The following METTL14 variants were observed in gnomAD, a reference collection of about 807,000 sequenced individuals.
METTL14 encodes the protein N(6)-adenosine-methyltransferase non-catalytic subunit METTL14.
A neutral mutation model predicts 62.4 loss-of-function variants in METTL14; 32 were observed. That is an observed-to-expected ratio of 0.51 (90% CI 0.39 to 0.69). METTL14 has a LOEUF of 0.69. METTL14 is among the 30% of genes least tolerant of loss of function. The probability of loss-of-function intolerance (pLI) is 0.00; values close to 1 mark genes in which losing one functional copy is unlikely to be tolerated. For missense variants in METTL14, 340 were observed against 551.9 expected (o/e 0.62, Z 3.85); for synonymous variants, 150 against 180.0 (o/e 0.83, Z 1.34).
In METTL14 at chr4:118,704,071, GT is replaced by G. The variant is rs755323508; in HGVS notation, c.855+28del. 146 of 1,427,136 alleles carry G rather than the reference GT, an allele frequency of 1.0e-4. 1 individual carries two copies. The South Asian group carries it at 1.5e-3, about 15-fold the overall frequency. The allele number at this position is 1,427,136 out of a possible 1,614,324, so 88.4% of individuals were successfully genotyped here. A position where few individuals can be genotyped will look rare whatever the true frequency, so the allele number is the denominator to read the frequency against. ...ACAAAGGTATTGCCTTTACTGATTTGTTTTTTTTAATTTTTGTGATTTTCTC... is the reference window on the plus strand; with the variant it reads ...ACAAAGGTATTGCCTTTACTGATTTGTTTTTTTAATTTTTGTGATTTTCTC... On this transcript the variant is annotated intron_variant, in intron 9 of 10. Transcript: ENST00000388822.
intron 8 of METTL14, among the ~76,000 whole-genome samples, chr4:118,703,032 A>T (rs546990851): frequency 1.6e-3 from 244 of 151,108 alleles, no homozygotes; most frequent in African/African-American, 5.6e-3. Flanking sequence ...ACATAGGTAT[A>T]CATGTGCCAT....
chr4:118,696,845 G>A lies in METTL14; in HGVS notation c.504-337G>A, dbSNP rs931471830. Among the ~76,000 whole-genome samples, 158 of 152,196 alleles carry A rather than the reference G, an allele frequency of 1.0e-3. 1 individual carries two copies. The highest frequency in any genetic ancestry group is 1.2e-3 in the South Asian group (6 of 4,820). On this transcript the variant is annotated intron_variant, in intron 6 of 10. Transcript: ENST00000388822. ...AGAAAATTCAGATGAGAAGGGAAAG[G>A]GGTTCAGAGACACATCTGAGTATGG...
At chr4:118,688,639 C>G (rs1724149909) in intron 2 of METTL14, among the ~76,000 whole-genome samples, 1 of 152,050 alleles carries the variant, frequency 6.6e-6, no homozygotes. Context: ...GAATGTTAGA[C>G]TAAGAATTAG....
chr4:118,685,738 C>T (rs1348127243), intron 1 of METTL14, 138 bp downstream of exon 1: 1 of 735,260 alleles, frequency 1.4e-6, no homozygotes, highest in Non-Finnish European at 2.4e-6. Flanking sequence ...GATCTTGATC[C>T]CTGGTTCTGC....
intron 10 of METTL14, among the ~76,000 whole-genome samples, chr4:118,707,838 A>ATTT (rs752501219): frequency 7.0e-6 from 1 of 141,858 alleles, no homozygotes; most frequent in Non-Finnish European, 1.5e-5. Flanking sequence ...AAGCCAGACA[A>ATTT]TTTTTTTTTT....
chr4:118,687,971 G>A lies in METTL14; in HGVS notation c.115G>A (p.Asp39Asn), dbSNP rs1216298009. ...CATTGGTGCCGTGTTAAATAGCAAA[G>A]ATGAGCAGAGAGAAATTGCTGAAAC... ...DSIGAVLNSK[D>N]EQREIAETRE... The change falls in exon 2 of 11, where the codon GAT becomes AAT. Residue 39 changes from aspartate (D) to asparagine (N), a missense_variant. Physicochemically the swap from Asp to Asn is conservative, Grantham distance 23 (BLOSUM62 1). Transcript: ENST00000388822. The A allele has an allele frequency of 1.2e-6, 2 of 1,613,570 alleles. No individual in the cohort carries two copies. The highest frequency in any genetic ancestry group is 3.3e-5 in the Admixed American group (2 of 59,952).
chr4:118,696,979 G>A (rs1560880101), intron 6 of METTL14, among the ~76,000 whole-genome samples: 6 of 151,986 alleles, frequency 3.9e-5, no homozygotes, highest in South Asian at 4.2e-4. Flanking sequence ...CTGGTAGATC[G>A]TTTAAGTCTA....
At position 118,700,027 on chromosome 4, in the gene METTL14, G is replaced by T. The variant is rs551643181; in HGVS notation, c.646-523G>T. The stretch of plus-strand genomic sequence containing the variant: ...AACTTTTAGAATTAGTGTCAAAAGA[G>T]AATAATTTTTTTTTTTTTGGCATTT... On this transcript the variant is annotated intron_variant, in intron 7 of 10. Transcript: ENST00000388822. Among the ~76,000 whole-genome samples the T allele has an allele frequency of 2.0e-5, 3 of 151,380 alleles. No homozygotes were observed. In the East Asian group the frequency reaches 5.8e-4, roughly 29 times the overall value.
intron 10 of METTL14, among the ~76,000 whole-genome samples, chr4:118,708,216 G>GA (rs1289842054): frequency 1.3e-5 from 2 of 152,168 alleles, no homozygotes; most frequent in African/African-American, 4.8e-5. Flanking sequence ...GAAGAGAGGG[G>GA]AATCCCTTGG....
chr4:118,705,917 T>G, intron 10 of METTL14, 96 bp downstream of exon 10: 1 of 954,542 alleles, frequency 1.0e-6, no homozygotes, highest in South Asian at 1.6e-5. Context: ...TCTTATGCAT[T>G]TGATTCCTTT....
Position 118,692,034 on chromosome 4 carries a change from T to C in METTL14, c.378T>C (p.Thr126=). The change falls in exon 5 of 11, where the codon ACT becomes ACC. Residue 126 remains threonine (T), a synonymous_variant. Coordinates refer to ENST00000388822, the MANE Select transcript of METTL14 (RefSeq NM_020961.4). ...ATTACTGCCAACATTTTGTAGACACTGGACATAGACCTCAGAATTTCATCA... is the reference window on the plus strand; with the variant it reads ...ATTACTGCCAACATTTTGTAGACACCGGACATAGACCTCAGAATTTCATCA... The part of the protein sequence containing the change: ...HNDYCQHFVD[T]GHRPQNFIRD... 1.2e-6 allele frequency: 2 copies of C among 1,612,148 alleles called. No individual in the cohort carries two copies.
Position 118,710,150 on chromosome 4 carries a change from G to C in METTL14, c.1219G>C (p.Asp407His). 1 of 1,614,130 alleles carries C rather than the reference G, an allele frequency of 6.2e-7. No individual in the cohort carries two copies. Among genetic ancestry groups the C allele is most frequent in the Non-Finnish European group, 8.5e-7 (1 of 1,180,028 alleles). ...PKSPPPKSKS[D>H]RGGGAPRGGG... ...ATCGCCTCCTCCCAAATCTAAATCTGACCGAGGAGGTGGAGCTCCCAGAGG... is the reference window on the plus strand; with the variant it reads ...ATCGCCTCCTCCCAAATCTAAATCTCACCGAGGAGGTGGAGCTCCCAGAGG... Residue 407 changes from aspartate to histidine, a missense_variant, in exon 11 of 11, where the codon GAC (aspartate) becomes CAC (histidine). Asp to His is a moderately conservative substitution (Grantham distance 81). Coordinates refer to ENST00000388822, the MANE Select transcript of METTL14 (RefSeq NM_020961.4).
At position 118,712,703 on chromosome 4, in the gene METTL14, T is replaced by C. The variant is rs1315492896; in HGVS notation, c.*2401T>C. The C allele has an allele frequency of 3.3e-5, 5 of 152,190 alleles. No individual in the cohort carries two copies. Among genetic ancestry groups the C allele is most frequent in the Non-Finnish European group, 5.9e-5 (4 of 68,038 alleles). 9.4% of individuals were successfully genotyped at this position (152,190 alleles called of 1,614,324 possible). ...CTTACTGGGGATAGAAGCTAATTATTGTGAAATAACCTAGTTTAGAAGTTA... is the reference window on the plus strand; with the variant it reads ...CTTACTGGGGATAGAAGCTAATTATCGTGAAATAACCTAGTTTAGAAGTTA... On this transcript the variant is annotated 3_prime_UTR_variant, in exon 11 of 11. Coordinates refer to ENST00000388822, the MANE Select transcript of METTL14 (RefSeq NM_020961.4).
rs1268963619 is a variant in METTL14, at chr4:118,696,903, G to A, written c.504-279G>A. On this transcript the variant is annotated intron_variant, in intron 6 of 10. Transcript: ENST00000388822. ...ATATTGAGAGAAGAATATATTCTGG[G>A]TGTACATGGGGAAAATAGGACTTTT... 2.6e-5 allele frequency among the ~76,000 whole-genome samples: 4 copies of A among 152,176 alleles called. No homozygotes were observed. In the South Asian group the frequency reaches 6.2e-4, roughly 24 times the overall value.
In METTL14 at chr4:118,711,015, G is replaced by A. The variant is rs1724904296; in HGVS notation, c.*713G>A. 1 of 151,984 alleles carries A rather than the reference G, an allele frequency of 6.6e-6. No individual in the cohort carries two copies. Among genetic ancestry groups the A allele is most frequent in the Non-Finnish European group, 1.5e-5 (1 of 68,004 alleles). 9.4% of individuals were successfully genotyped at this position (151,984 alleles called of 1,614,324 possible). The stretch of plus-strand genomic sequence containing the variant: ...GAAGCAAAGGAGGACAAATATTCAT[G>A]TGCTAGATAGCACTGTGGTGTGGAC... On this transcript the variant is annotated 3_prime_UTR_variant, in exon 11 of 11. Coordinates refer to ENST00000388822, the MANE Select transcript of METTL14 (RefSeq NM_020961.4).
rs1469093403 is a variant in METTL14 at position 118,691,632 on chromosome 4, A to G, written c.324+20A>G. The G allele has an allele frequency of 7.8e-7, 1 of 1,275,678 alleles. No homozygotes were observed. Among genetic ancestry groups the G allele is most frequent in the East Asian group, 2.7e-5 (1 of 37,678 alleles). 79.0% of individuals were successfully genotyped at this position (1,275,678 alleles called of 1,614,324 possible). A position where few individuals can be genotyped will look rare whatever the true frequency, so the allele number is the denominator to read the frequency against. On this transcript the variant is annotated intron_variant, in intron 4 of 10. Transcript: ENST00000388822. ...CTTAAGGTAAAATAAATAATTTTCA[A>G]ATTTTGTAACTCTTCATATTTAAGT...
chr4:118,696,547 A>G (rs1049872513), intron 6 of METTL14, among the ~76,000 whole-genome samples: 1 of 152,074 alleles, frequency 6.6e-6, no homozygotes, highest in Non-Finnish European at 1.5e-5. Context: ...GTCTCAAACA[A>G]ACAAACAAAC....
chr4:118,707,882 G>A lies in METTL14; in HGVS notation c.1066+2061G>A, dbSNP rs181753309. On this transcript the variant is annotated intron_variant, in intron 10 of 10. Coordinates refer to ENST00000388822, the MANE Select transcript of METTL14 (RefSeq NM_020961.4). ...ACAGGTTCTCACTCTTGTTCAGGCT[G>A]GAGTGCAGTGGCACGATCTTGGCTC... Among the ~76,000 whole-genome samples, 572 of 149,722 alleles carry A rather than the reference G, an allele frequency of 3.8e-3. 4 individuals are homozygous for A. Among genetic ancestry groups the A allele is most frequent in the African/African-American group, 0.013 (544 of 40,690 alleles).
Position 118,708,072 on chromosome 4 carries a change from G to A in METTL14, c.1067-1926G>A, listed in dbSNP as rs963652029. ...AACTCCTGACCCCAAGTGATCGCCC[G>A]CCTTGGCCTCCAAATTGCTGGGATT... On this transcript the variant is annotated intron_variant, in intron 10 of 10. Coordinates refer to ENST00000388822, the MANE Select transcript of METTL14 (RefSeq NM_020961.4). Among the ~76,000 whole-genome samples, 49 of 152,122 alleles carry A rather than the reference G, an allele frequency of 3.2e-4. 1 individual carries two copies. The highest frequency in any genetic ancestry group is 8.5e-4 in the Admixed American group (13 of 15,282).
Sources: allele counts gnomAD v4.1 joint callset (sites outside exome capture counted in the v4.1 genomes callset), GRCh38; gene constraint gnomAD v4.1.1; transcripts MANE v1.5; gene names NCBI Gene and HGNC (gene_info 2026-07-23, HGNC 2026-07-21).